Variants in AKAP12 observed in about 807,000 individuals in gnomAD.
AKAP12 encodes A-kinase anchoring protein 12, also known as A-kinase anchor protein 12.
A neutral mutation model predicts 79.9 loss-of-function variants in AKAP12; 32 were observed. That is an observed-to-expected ratio of 0.40 (90% CI 0.30 to 0.54). AKAP12 has a LOEUF of 0.54. Ranked by LOEUF, AKAP12 falls within the 20% of genes least tolerant of loss-of-function variation. AKAP12 has a pLI of 0.48. For synonymous variants in AKAP12, 808 were observed against 857.0 expected (o/e 0.94, Z 1.00); for missense variants, 2,074 against 2,177.0 (o/e 0.95, Z 0.94).
chr6:151,266,658 A>G (rs1273713719), intron 2 of AKAP12, among the ~76,000 whole-genome samples: 2 of 152,196 alleles, frequency 1.3e-5, no homozygotes, highest in Non-Finnish European at 2.9e-5. Flanking sequence ...CAGGGGAAGG[A>G]AAACTGTATT....
In AKAP12 at chr6:151,317,923, T is replaced by G. The variant is rs115704161; in HGVS notation, c.319+12020T>G. 2.2e-3 allele frequency among the ~76,000 whole-genome samples: 335 copies of G among 152,298 alleles called. 2 individuals are homozygous for G. The highest frequency in any genetic ancestry group is 7.7e-3 in the African/African-American group (319 of 41,552). The stretch of plus-strand genomic sequence containing the variant: ...GTTAGCTGTAAATAAAGTGGCAGAT[T>G]GATAGTGTCCAACCAAATAGTCAGG... On this transcript the variant is annotated intron_variant, in intron 3 of 4. Transcript: ENST00000402676.
intron 3 of AKAP12, among the ~76,000 whole-genome samples, chr6:151,332,035 T>TGTTTTTGTTTTTG (rs1448624184): frequency 1.6e-5 from 1 of 63,282 alleles, no homozygotes; most frequent in Admixed American, 1.5e-4. Context: ...CTGGGTCTGT[T>TGTTTTTGTTTTTG]TTTTTTTTTT....
At chr6:151,255,269 AG>A (rs1343322285) in intron 2 of AKAP12, among the ~76,000 whole-genome samples, 3 of 151,712 alleles carry the variant, frequency 2.0e-5, no homozygotes, top group Non-Finnish European at 4.4e-5. Flanking sequence ...GGGTTCAAGC[AG>A]TTCTCCTGCC....
At chr6:151,324,671 C>T in intron 3 of AKAP12, 3 of 984,798 alleles carry the variant, frequency 3.0e-6, no homozygotes, top group Non-Finnish European at 3.6e-6. Flanking sequence ...GTCAGGCAGG[C>T]AAGGCATGAA....
chr6:151,310,644 A>AT (rs796142232), intron 3 of AKAP12, among the ~76,000 whole-genome samples: 45 of 151,768 alleles, frequency 3.0e-4, no homozygotes, highest in African/African-American at 6.0e-4. Context: ...TAGGCAGATG[A>AT]TTTTTTTTTC....
intron 3 of AKAP12, among the ~76,000 whole-genome samples, chr6:151,331,623 C>T (rs539400262): frequency 1.3e-5 from 2 of 152,180 alleles, no homozygotes; most frequent in South Asian, 2.1e-4. Context: ...CGGTGGCTCA[C>T]GCCTGTAATC....
chr6:151,311,189 CA>C (rs1246737223), intron 3 of AKAP12, among the ~76,000 whole-genome samples: 1 of 152,214 alleles, frequency 6.6e-6, no homozygotes, highest in African/African-American at 2.4e-5. Context: ...AGGCTGGTCT[CA>C]AATTCTTGGC....
At chr6:151,253,159 T>C (rs927954957) in intron 2 of AKAP12, among the ~76,000 whole-genome samples, 5 of 152,244 alleles carry the variant, frequency 3.3e-5, no homozygotes, top group Admixed American at 1.3e-4. Flanking sequence ...AGTGAAGACA[T>C]GCTTCATTGG....
Position 151,350,545 on chromosome 6 carries a change from A to G in AKAP12, c.2154A>G (p.Gly718=). The change falls in exon 4 of 5, where the codon GGA becomes GGG. Residue 718 remains glycine, a synonymous_variant. Transcript: ENST00000402676. This position sits in a 1 kb window ranked among gnomAD's most constrained non-coding sequence, Gnocchi z 4.8. The part of the protein sequence containing the change: ...GGDHQKADEA[G]KDKETGTDGI... ...ACCACCAGAAAGCTGATGAGGCCGG[A>G]AAAGACAAAGAGACGGGGACAGACG... 6.2e-7 allele frequency: 1 copy of G among 1,614,186 alleles called. No homozygotes were observed. Among genetic ancestry groups the G allele is most frequent in the Non-Finnish European group, 8.5e-7 (1 of 1,180,044 alleles).
intron 2 of AKAP12, among the ~76,000 whole-genome samples, chr6:151,267,040 A>AAAAG (rs1465054272): frequency 6.7e-6 from 1 of 148,590 alleles, no homozygotes; most frequent in Non-Finnish European, 1.5e-5. Context: ...AAAAAAAAAA[A>AAAAG]GGAGAACATG....
intron 3 of AKAP12, among the ~76,000 whole-genome samples, chr6:151,321,903 GTTT>G (rs11415941): frequency 3.0e-5 from 2 of 67,358 alleles, no homozygotes; most frequent in African/African-American, 6.2e-5. Flanking sequence ...TCAGCTTTAT[GTTT>G]TTTTTTTTTT....
At position 151,356,486 on chromosome 6, in the gene AKAP12, T is replaced by A. The variant is rs762458196; in HGVS notation, c.*772T>A. On this transcript the variant is annotated 3_prime_UTR_variant, in exon 5 of 5. Coordinates refer to ENST00000402676, the MANE Select transcript of AKAP12 (RefSeq NM_005100.4). The stretch of plus-strand genomic sequence containing the variant: ...TTTACATCCTTTTTCCTACTTGTTA[T>A]GGTTGTTTGGACCGATAAGTGTGCT... The A allele has an allele frequency of 3.3e-5, 5 of 152,260 alleles. No homozygotes were observed. Among genetic ancestry groups the A allele is most frequent in the Non-Finnish European group, 5.9e-5 (4 of 68,036 alleles). 9.4% of individuals were successfully genotyped at this position (152,260 alleles called of 1,614,324 possible).
intron 2 of AKAP12, among the ~76,000 whole-genome samples, chr6:151,281,760 A>C (rs1201296698): frequency 1.4e-5 from 2 of 145,772 alleles, no homozygotes; most frequent in East Asian, 2.1e-4. Context: ...AGTGGTGCTC[A>C]CTGCAGCCTT....
intron 2 of AKAP12, among the ~76,000 whole-genome samples, chr6:151,274,879 G>A (rs1776260020): frequency 6.6e-6 from 1 of 152,158 alleles, no homozygotes; most frequent in Non-Finnish European, 1.5e-5. Context: ...GAGGCAGATG[G>A]ATCACTTGAG....
chr6:151,343,716 G>A (rs985900767), intron 3 of AKAP12, among the ~76,000 whole-genome samples: 1 of 152,112 alleles, frequency 6.6e-6, no homozygotes, highest in Non-Finnish European at 1.5e-5. Context: ...CCCAGGAGGC[G>A]GAGGTTGCAG....
intron 2 of AKAP12, chr6:151,280,381 G>C (rs1479783574): frequency 1.3e-5 from 2 of 151,866 alleles, no homozygotes; most frequent in South Asian, 2.1e-4. Flanking sequence ...GGATGAAAGG[G>C]AATGCCCCAC....
chr6:151,326,019 T>C (rs1777514864), intron 3 of AKAP12: 2 of 1,233,592 alleles, frequency 1.6e-6, no homozygotes, highest in Admixed American at 2.0e-5. Context: ...TTGGCATTTA[T>C]TTCTCTCCGT....
At chr6:151,264,715 A>G (rs1797514835) in intron 2 of AKAP12, among the ~76,000 whole-genome samples, 1 of 151,996 alleles carries the variant, frequency 6.6e-6, no homozygotes. Flanking sequence ...TGATGTAAAA[A>G]TTCATATTAG....
chr6:151,286,798 G>A (rs993236294), intron 2 of AKAP12, among the ~76,000 whole-genome samples: 11 of 152,172 alleles, frequency 7.2e-5, no homozygotes, highest in Admixed American at 5.2e-4. Context: ...GTCAGAGAAG[G>A]TTAGAGCTCA....
Sources: allele counts gnomAD v4.1 joint callset (sites outside exome capture counted in the v4.1 genomes callset), GRCh38; gene constraint gnomAD v4.1.1; non-coding constraint Gnocchi (gnomAD v3.1); transcripts MANE v1.5; gene names NCBI Gene and HGNC (gene_info 2026-07-23, HGNC 2026-07-21).